The following PUM1 variants were observed in gnomAD, a reference collection of about 807,000 sequenced individuals.
The protein encoded by PUM1 is pumilio RNA binding family member 1.
A neutral mutation model predicts 131.8 loss-of-function variants in PUM1; 13 were observed. The ratio of observed to expected loss-of-function variants is 0.10; its 90% CI spans 0.06 to 0.16. The LOEUF (loss-of-function observed/expected upper bound fraction) is 0.16, where lower values mean the gene tolerates loss of function less well. PUM1 is among the 10% of genes least tolerant of loss of function. The pLI is 1.00. For missense variants in PUM1, 961 were observed against 1,512.4 expected, an observed-to-expected ratio of 0.64 and a Z score of 6.05; for synonymous variants, 509 against 556.5, an observed-to-expected ratio of 0.91 and a Z score of 1.20.
At chr1:31,009,246 C>G (rs1214494328) in intron 3 of PUM1, among the ~76,000 whole-genome samples, 4 of 151,826 alleles carry the variant, frequency 2.6e-5, no homozygotes, top group Non-Finnish European at 5.9e-5. Context: ...TGGTTATACC[C>G]TTTCTCCAAT....
intron 2 of PUM1, among the ~76,000 whole-genome samples, chr1:31,044,578 G>A (rs967572826): frequency 7.2e-5 from 11 of 152,100 alleles, no homozygotes; most frequent in Admixed American, 3.3e-4. Context: ...GGGGAGTGAC[G>A]GCTGCTGGGT....
At chr1:30,945,281 T>C (rs1211880101) in intron 18 of PUM1, 65 bp downstream of exon 18, 6 of 1,559,480 alleles carry the variant, frequency 3.8e-6, no homozygotes, top group Non-Finnish European at 4.4e-6. Context: ...CCACAAATCC[T>C]ACTCTGTTTT....
chr1:30,942,369 C>A (rs1639491440), intron 18 of PUM1, among the ~76,000 whole-genome samples: 1 of 151,202 alleles, frequency 6.6e-6, no homozygotes, highest in Non-Finnish European at 1.5e-5. Context: ...CAATTCAGAG[C>A]TGAAAAGGAC....
At chr1:30,985,419 G>A (rs917003882) in intron 7 of PUM1, among the ~76,000 whole-genome samples, 4 of 152,228 alleles carry the variant, frequency 2.6e-5, no homozygotes, top group Admixed American at 1.3e-4. Context: ...CTGGGAGGCC[G>A]AGGCAGGCGG....
chr1:30,978,255 A>T (rs1641219204), intron 9 of PUM1, among the ~76,000 whole-genome samples: 1 of 152,242 alleles, frequency 6.6e-6, no homozygotes, highest in Non-Finnish European at 1.5e-5. Context: ...TCTCAAAAAA[A>T]CAAAAAACAA....
chr1:30,992,849 C>T (rs1367106354), intron 6 of PUM1, among the ~76,000 whole-genome samples, 189 bp from the exon 7 acceptor site: 1 of 152,112 alleles, frequency 6.6e-6, no homozygotes, highest in African/African-American at 2.4e-5. Context: ...CTTCTATTGC[C>T]GGCAATTCCA....
At chr1:30,987,933 A>G (rs1156496793) in intron 7 of PUM1, among the ~76,000 whole-genome samples, 2 of 152,348 alleles carry the variant, frequency 1.3e-5, no homozygotes, top group Non-Finnish European at 2.9e-5. Flanking sequence ...AAGTATCTCA[A>G]CATCTTACTT....
At chr1:30,936,367 T>C (rs541070821) in intron 21 of PUM1, among the ~76,000 whole-genome samples, 1 of 152,326 alleles carries the variant, frequency 6.6e-6, no homozygotes, top group South Asian at 2.1e-4. Flanking sequence ...AGTTGATTTG[T>C]TGGACTCATA....
At chr1:31,002,229 T>C (rs540335132) in intron 5 of PUM1, among the ~76,000 whole-genome samples, 58 of 152,282 alleles carry the variant, frequency 3.8e-4, no homozygotes, top group African/African-American at 1.3e-3. Flanking sequence ...TTACCTAAAG[T>C]AAATGCAGTG....
chr1:31,005,485 C>T (rs2124508204), intron 5 of PUM1, among the ~76,000 whole-genome samples: 1 of 152,274 alleles, frequency 6.6e-6, no homozygotes. Context: ...TCCCTGTTAA[C>T]ATCCCAGCAT....
At chr1:31,057,448 G>C (rs547994376) in intron 2 of PUM1, among the ~76,000 whole-genome samples, 1 of 149,678 alleles carries the variant, frequency 6.7e-6, no homozygotes, top group Non-Finnish European at 1.5e-5. Context: ...AAAAGGGCTG[G>C]GCATGGTGGC....
intron 17 of PUM1, among the ~76,000 whole-genome samples, chr1:30,947,138 A>G (rs1639709531): frequency 6.6e-6 from 1 of 152,214 alleles, no homozygotes; most frequent in South Asian, 2.1e-4. Flanking sequence ...AAGACTTACA[A>G]AACTATAGAC....
intron 14 of PUM1, among the ~76,000 whole-genome samples, chr1:30,955,860 T>C (rs933487769): frequency 6.6e-6 from 1 of 152,266 alleles, no homozygotes; most frequent in African/African-American, 2.4e-5. Flanking sequence ...ATGCAGAAAT[T>C]TGTAAAATAT....
Position 31,028,874 on chromosome 1 carries a change from A to AGG in PUM1, c.364-11_364-10insCC. 1 of 1,609,208 alleles carries AGG rather than the reference A, an allele frequency of 6.2e-7. No homozygotes were observed. Among genetic ancestry groups the AGG allele is most frequent in the Non-Finnish European group, 8.5e-7 (1 of 1,175,786 alleles). On this transcript the variant is annotated splice_polypyrimidine_tract_variant and intron_variant, in intron 2 of 21. Coordinates refer to ENST00000426105, the MANE Select transcript of PUM1 (RefSeq NM_001020658.2). The stretch of plus-strand genomic sequence containing the variant: ...CATCCATGGAACGCACCTATTGTTT[A>AGG]GAATAGAGAAGGAAAAATCTTCAAG...
At chr1:30,987,357 C>A (rs546865376) in intron 7 of PUM1, among the ~76,000 whole-genome samples, 1 of 151,990 alleles carries the variant, frequency 6.6e-6, no homozygotes. Flanking sequence ...CTACCACGCC[C>A]GGCTAATTTT....
Position 30,933,268 on chromosome 1 carries a change from G to A in PUM1, c.3510C>T (p.Tyr1170=), listed in dbSNP as rs1156467322. 6.2e-7 allele frequency: 1 copy of A among 1,613,598 alleles called. No homozygotes were observed. Among genetic ancestry groups the A allele is most frequent in the Non-Finnish European group, 8.5e-7 (1 of 1,179,830 alleles). Residue 1170 remains tyrosine, a synonymous_variant, in exon 22 of 22, where the codon TAC becomes TAT. Transcript: ENST00000426105. The stretch of plus-strand genomic sequence containing the variant: ...GCCCTAAGTCAACACCGTTCTTCAT[G>A]TAGTACTTCTCCAGCTTGGCCAGAA... ...KHILAKLEKY[Y]MKNGVDLGPI... is the part of the protein sequence containing the mutation.
intron 5 of PUM1, among the ~76,000 whole-genome samples, chr1:31,004,824 A>G (rs1642342061): frequency 1.3e-5 from 2 of 152,246 alleles, no homozygotes; most frequent in African/African-American, 4.8e-5. Context: ...AACAAATGCT[A>G]TTAAAGAAAG....
At chr1:30,938,948 T>TAGAC (rs1214606259) in intron 20 of PUM1, among the ~76,000 whole-genome samples, 1 of 146,486 alleles carries the variant, frequency 6.8e-6, no homozygotes, top group Non-Finnish European at 1.5e-5. Flanking sequence ...GACAGACAGA[T>TAGAC]AGACAGATAG....
chr1:31,035,762 A>AG (rs573688268), intron 2 of PUM1, among the ~76,000 whole-genome samples: 184 of 152,290 alleles, frequency 1.2e-3, no homozygotes, highest in African/African-American at 4.2e-3. Flanking sequence ...AAATAAAAAA[A>AG]AAAAGAAAAG....
Sources: allele counts gnomAD v4.1 joint callset (sites outside exome capture counted in the v4.1 genomes callset), GRCh38; gene constraint gnomAD v4.1.1; transcripts MANE v1.5; gene names NCBI Gene and HGNC (gene_info 2026-07-23, HGNC 2026-07-21).